Variants in GPHN observed in about 807,000 individuals in gnomAD.
GPHN encodes the protein gephyrin.
Under a neutral mutation model 95.5 loss-of-function variants are expected in GPHN, and 17 were observed. The ratio of observed to expected loss-of-function variants is 0.18; its 90% CI spans 0.12 to 0.27. GPHN has a LOEUF of 0.27. Among genes scored for constraint, GPHN ranks in the 10% least tolerant of loss-of-function variants. The probability of loss-of-function intolerance (pLI) is 1.00; values close to 1 mark genes in which losing one functional copy is unlikely to be tolerated. For synonymous variants in GPHN, 320 were observed against 322.5 expected, an observed-to-expected ratio of 0.99 and a Z score of 0.08; for missense variants, 660 against 978.1, an observed-to-expected ratio of 0.67 and a Z score of 4.34.
intron 2 of GPHN, among the ~76,000 whole-genome samples, chr14:66,715,106 C>A (rs1403944039): frequency 6.6e-6 from 1 of 152,068 alleles, no homozygotes; most frequent in Non-Finnish European, 1.5e-5. Flanking sequence ...CTGTCTGGTC[C>A]TGGACTTTTT....
At chr14:67,318,224 T>C in the GPHN span, among the ~76,000 whole-genome samples, 1 of 152,350 alleles carries the variant, frequency 6.6e-6, no homozygotes, top group South Asian at 2.1e-4. Flanking sequence ...GAATTTGAAA[T>C]ATTTGGGAGC....
chr14:66,913,123 T>C (rs921215143), intron 5 of GPHN, among the ~76,000 whole-genome samples: 1 of 152,156 alleles, frequency 6.6e-6, no homozygotes, highest in African/African-American at 2.4e-5. Context: ...ATGCATATGT[T>C]TCTGGTCCAG....
At chr14:67,535,467 G>A in the GPHN span, among the ~76,000 whole-genome samples, 6 of 127,082 alleles carry the variant, frequency 4.7e-5, no homozygotes, top group Middle Eastern at 6.6e-3. Flanking sequence ...TACAACCTCC[G>A]CCTCCAGGGT....
At chr14:66,836,786 C>T (rs1201987700) in intron 4 of GPHN, among the ~76,000 whole-genome samples, 40 of 151,606 alleles carry the variant, frequency 2.6e-4, no homozygotes, top group African/African-American at 9.3e-4. Flanking sequence ...GGGCGAAGGA[C>T]ATGAACAGAC....
the GPHN span, chr14:67,390,565 G>C: frequency 1.2e-6 from 1 of 843,852 alleles, no homozygotes; most frequent in Non-Finnish European, 2.0e-6. Context: ...GGTGCCAGGG[G>C]AAGGCAGGAT....
At chr14:67,220,622 T>C in the GPHN span, among the ~76,000 whole-genome samples, 1 of 152,148 alleles carries the variant, frequency 6.6e-6, no homozygotes, top group Non-Finnish European at 1.5e-5. Context: ...TATAAAACAT[T>C]TATATTTTTT....
the GPHN span, among the ~76,000 whole-genome samples, chr14:67,597,396 T>C: frequency 6.6e-6 from 1 of 152,028 alleles, no homozygotes; most frequent in African/African-American, 2.4e-5. Flanking sequence ...GAGGATCGCT[T>C]GAGTCCAGGA....
chr14:67,508,762 A>AAAAAAAAAAAAAAAAAAC, the GPHN span, among the ~76,000 whole-genome samples: 5 of 150,462 alleles, frequency 3.3e-5, 1 homozygote, highest in East Asian at 3.9e-4. Flanking sequence ...TCAAAAAAAA[A>AAAAAAAAAAAAAAAAAAC]AAAAAAAAAC....
At chr14:67,293,890 G>C in the GPHN span, among the ~76,000 whole-genome samples, 1 of 152,134 alleles carries the variant, frequency 6.6e-6, no homozygotes, top group Non-Finnish European at 1.5e-5. Context: ...GGGTGAAGAA[G>C]AGAGTGAGAG....
chr14:66,769,715 T>A (rs183334059), intron 2 of GPHN, among the ~76,000 whole-genome samples: 2 of 152,290 alleles, frequency 1.3e-5, no homozygotes, highest in Admixed American at 1.3e-4. Flanking sequence ...ACATTTTCTT[T>A]ATTCAGTCTA....
the GPHN span, among the ~76,000 whole-genome samples, chr14:67,623,996 A>G: frequency 6.6e-5 from 10 of 152,070 alleles, no homozygotes; most frequent in Non-Finnish European, 1.0e-4. Context: ...ACATGCCAGT[A>G]TGCCTGGATA....
the GPHN span, chr14:67,392,228 C>T: frequency 1.2e-6 from 1 of 844,386 alleles, no homozygotes; most frequent in Non-Finnish European, 2.0e-6. Context: ...AATTGGTGCC[C>T]TCCAGCAGCC....
At chr14:67,634,247 G>A in the GPHN span, among the ~76,000 whole-genome samples, 26 of 152,070 alleles carry the variant, frequency 1.7e-4, no homozygotes, top group East Asian at 7.7e-4. Context: ...TTTTTAAAAC[G>A]TATGACTCAA....
chr14:66,572,491 T>C (rs1204618608), intron 1 of GPHN, among the ~76,000 whole-genome samples: 1 of 151,598 alleles, frequency 6.6e-6, no homozygotes, highest in African/African-American at 2.4e-5. Context: ...TCTGTGTGTG[T>C]GTGTGTGTGT....
intron 8 of GPHN, among the ~76,000 whole-genome samples, chr14:66,927,283 A>G (rs2066528795): frequency 6.7e-6 from 1 of 149,844 alleles, no homozygotes; most frequent in South Asian, 2.1e-4. Context: ...TGGGAGGTGG[A>G]GGTTGCAGTG....
In GPHN at chr14:66,646,288, A is replaced by C. The variant is rs567819339; in HGVS notation, c.65-34819A>C. On this transcript the variant is annotated intron_variant, in intron 1 of 22. Coordinates refer to ENST00000478722, the MANE Select transcript of GPHN (RefSeq NM_020806.5). The stretch of plus-strand genomic sequence containing the variant: ...CACACCTAAGAATGGCTGCTGTAAA[A>C]AAAGAAAACAAAACCAGAAGAATCC... 1.4e-4 allele frequency among the ~76,000 whole-genome samples: 21 copies of C among 152,316 alleles called. 2 individuals carry two copies. The South Asian group carries it at 4.3e-3, about 32-fold the overall frequency.
the GPHN span, among the ~76,000 whole-genome samples, chr14:67,259,540 A>G: frequency 2.0e-5 from 3 of 152,248 alleles, no homozygotes; most frequent in East Asian, 5.8e-4. Context: ...TGAACTCAGG[A>G]GGCAGAGGTT....
chr14:66,735,978 A>G (rs1352606559), intron 2 of GPHN, among the ~76,000 whole-genome samples: 2 of 152,196 alleles, frequency 1.3e-5, no homozygotes, highest in East Asian at 3.8e-4. Context: ...AAAAAATTAG[A>G]TATTTTGCTA....
At chr14:67,693,723 A>G in the GPHN span, among the ~76,000 whole-genome samples, 2 of 145,292 alleles carry the variant, frequency 1.4e-5, no homozygotes, top group Non-Finnish European at 3.0e-5. Flanking sequence ...ATCTCGGCTC[A>G]CTGCAACCTC....
Sources: gnomAD v4.1 joint callset for allele counts (sites outside exome capture counted in the v4.1 genomes callset) on GRCh38, gnomAD v4.1.1 for gene constraint, MANE v1.5 for transcripts, NCBI Gene and HGNC (gene_info 2026-07-23, HGNC 2026-07-21) for gene names.